The following BANK1 variants were observed in gnomAD, a reference collection of about 807,000 sequenced individuals.
The protein encoded by BANK1 is B-cell scaffold protein with ankyrin repeats.
BANK1 carries 95 observed loss-of-function variants against 94.5 expected under a neutral mutation model. The observed-to-expected ratio is 1.00, with a 90% confidence interval of 0.85 to 1.19. The LOEUF (loss-of-function observed/expected upper bound fraction) is 1.19, where lower values mean the gene tolerates loss of function less well. BANK1 is among the 50% of genes most tolerant of loss of function. The pLI is 0.00. For synonymous variants in BANK1, 334 were observed against 308.4 expected (o/e 1.08, Z -0.87); for missense variants, 987 against 932.2 (o/e 1.06, Z -0.77).
chr4:101,842,213 T>A (rs527601745), intron 2 of BANK1, among the ~76,000 whole-genome samples: 1 of 152,338 alleles, frequency 6.6e-6, no homozygotes, highest in East Asian at 1.9e-4. Context: ...AGAACCCATG[T>A]TGCGTCAGAA....
intron 13 of BANK1, among the ~76,000 whole-genome samples, chr4:102,070,903 C>A (rs1728734964): frequency 6.6e-6 from 1 of 152,184 alleles, no homozygotes; most frequent in African/African-American, 2.4e-5. Context: ...TCATCAACCT[C>A]TTTCCTTATA....
At chr4:101,791,042 G>A (rs1324055397) in intron 1 of BANK1, 92 bp downstream of exon 1, 2 of 1,029,834 alleles carry the variant, frequency 1.9e-6, no homozygotes, top group African/African-American at 1.8e-5. Context: ...AACTGCACTC[G>A]GGCACTGAGG....
intron 6 of BANK1, among the ~76,000 whole-genome samples, chr4:101,913,864 T>C (rs1345778729): frequency 6.6e-6 from 1 of 152,164 alleles, no homozygotes; most frequent in African/African-American, 2.4e-5. Context: ...CCCTTCTGGG[T>C]TTGAGATGAC....
At chr4:101,819,563 C>A (rs538301834) in intron 1 of BANK1, among the ~76,000 whole-genome samples, 46 of 152,206 alleles carry the variant, frequency 3.0e-4, no homozygotes, top group Non-Finnish European at 6.0e-4. Flanking sequence ...TTCCTAAGGA[C>A]CCTCAGATCA....
rs1013343093 is a variant in BANK1, at chr4:102,073,795, T to G, written c.*5+47T>G. On this transcript the variant is annotated intron_variant, in intron 16 of 16. Transcript: ENST00000322953. ...TTTTTTAGAAAATCTAAAGCAGCCT[T>G]GTTAGGGACTTGAAGGTATCATTTG... is the stretch of plus-strand genomic sequence containing the variant. The G allele has an allele frequency of 4.1e-6, 6 of 1,446,364 alleles. No individual in the cohort carries two copies. In the African/African-American group the frequency reaches 8.5e-5, roughly 21 times the overall value. The allele number at this position is 1,446,364 out of a possible 1,614,324, so 89.6% of individuals were successfully genotyped here.
chr4:102,035,647 C>CAAA (rs10539905), intron 10 of BANK1, among the ~76,000 whole-genome samples: 1 of 125,036 alleles, frequency 8.0e-6, no homozygotes, highest in African/African-American at 2.9e-5. Context: ...GACTCCGTCT[C>CAAA]AAAAAAAAAA....
At chr4:101,988,002 A>G (rs1725573336) in intron 7 of BANK1, among the ~76,000 whole-genome samples, 2 of 152,124 alleles carry the variant, frequency 1.3e-5, no homozygotes, top group Non-Finnish European at 2.9e-5. Flanking sequence ...GAGTCCCAGA[A>G]TAACCATGAA....
At chr4:101,895,533 T>C in intron 6 of BANK1, 123 bp downstream of exon 6, 1 of 583,406 alleles carries the variant, frequency 1.7e-6, no homozygotes, top group Non-Finnish European at 3.0e-6. Context: ...TTTAGACAAC[T>C]CCTGACTCCT....
At chr4:101,926,223 T>C (rs562579273) in intron 7 of BANK1, among the ~76,000 whole-genome samples, 2 of 151,766 alleles carry the variant, frequency 1.3e-5, no homozygotes, top group Non-Finnish European at 3.0e-5. Flanking sequence ...ATCAGACTTA[T>C]GAAAAAACAA....
At chr4:101,863,810 A>C (rs1042169334) in intron 4 of BANK1, among the ~76,000 whole-genome samples, 2 of 152,122 alleles carry the variant, frequency 1.3e-5, no homozygotes, top group Admixed American at 6.6e-5. Flanking sequence ...AATGAATAAA[A>C]TTTTCTAACT....
At chr4:102,047,822 G>A (rs1727933866) in intron 11 of BANK1, among the ~76,000 whole-genome samples, 1 of 152,018 alleles carries the variant, frequency 6.6e-6, no homozygotes. Context: ...CCCACAGAGA[G>A]CAATGCAAGG....
intron 6 of BANK1, among the ~76,000 whole-genome samples, chr4:101,913,431 C>G (rs983078812): frequency 2.6e-5 from 4 of 152,130 alleles, no homozygotes; most frequent in East Asian, 1.9e-4. Flanking sequence ...TATTTGATGT[C>G]AATTCTAGAA....
chr4:102,004,012 T>A (rs1010929365), intron 7 of BANK1, among the ~76,000 whole-genome samples: 6 of 151,898 alleles, frequency 4.0e-5, no homozygotes, highest in Non-Finnish European at 7.4e-5. Context: ...TATAACCTAT[T>A]TGAGCTATGT....
intron 7 of BANK1, among the ~76,000 whole-genome samples, chr4:102,021,306 A>G (rs570054170): frequency 7.2e-5 from 11 of 152,174 alleles, no homozygotes; most frequent in African/African-American, 2.6e-4. Flanking sequence ...TTTTTAAAGC[A>G]ATTCATTGTT....
chr4:101,841,352 A>T (rs992427825), intron 2 of BANK1, among the ~76,000 whole-genome samples: 2 of 152,172 alleles, frequency 1.3e-5, no homozygotes, highest in African/African-American at 4.8e-5. Flanking sequence ...AAGTTGAGAG[A>T]ATCATAATAT....
intron 3 of BANK1, among the ~76,000 whole-genome samples, chr4:101,859,715 A>G (rs978196486): frequency 3.3e-5 from 5 of 152,212 alleles, no homozygotes; most frequent in African/African-American, 9.7e-5. Context: ...AGAGCTGAGC[A>G]TGCTCAATGT....
chr4:101,838,667 G>A (rs888440767), intron 2 of BANK1, among the ~76,000 whole-genome samples: 15 of 152,120 alleles, frequency 9.9e-5, no homozygotes, highest in African/African-American at 3.6e-4. Flanking sequence ...AAGACAGTTG[G>A]TATCCTGAAG....
At chr4:101,845,398 A>G (rs1342725856) in intron 2 of BANK1, among the ~76,000 whole-genome samples, 7 of 152,186 alleles carry the variant, frequency 4.6e-5, no homozygotes, top group Admixed American at 4.6e-4. Context: ...TAATATGTTG[A>G]TTAATATTCT....
chr4:101,869,935 A>C (rs1252440514), intron 4 of BANK1, among the ~76,000 whole-genome samples: 1 of 151,946 alleles, frequency 6.6e-6, no homozygotes, highest in Non-Finnish European at 1.5e-5. Flanking sequence ...ATTTTGAACA[A>C]CTTGTTCTCA....
Sources: allele counts gnomAD v4.1 joint callset (sites outside exome capture counted in the v4.1 genomes callset), GRCh38; gene constraint gnomAD v4.1.1; transcripts MANE v1.5; gene names NCBI Gene and HGNC (gene_info 2026-07-23, HGNC 2026-07-21).